The following DYNC2H1 variants were observed in gnomAD, a reference collection of about 807,000 sequenced individuals.
DYNC2H1 encodes the protein dynein cytoplasmic 2 heavy chain 1, also known as cytoplasmic dynein 2 heavy chain 1.
DYNC2H1 carries 410 observed loss-of-function variants against 570.0 expected under a neutral mutation model. That is an observed-to-expected ratio of 0.72 (90% confidence interval 0.66 to 0.78). DYNC2H1 has a LOEUF of 0.78. Among genes scored for constraint, DYNC2H1 ranks in the 30% least tolerant of loss-of-function variants. The probability of loss-of-function intolerance (pLI) is 0.00; values close to 1 mark genes in which losing one functional copy is unlikely to be tolerated. For missense variants in DYNC2H1, 4,865 were observed against 5,046.4 expected, an observed-to-expected ratio of 0.96 and a Z score of 1.09; for synonymous variants, 1,688 against 1,677.6, an observed-to-expected ratio of 1.01 and a Z score of -0.15.
In DYNC2H1 at chr11:103,462,313, T is replaced by TG. The variant is rs927170409; in HGVS notation, c.12648+5957_12648+5958insG. On this transcript the variant is annotated intron_variant, in intron 87 of 88. Coordinates refer to ENST00000375735, the MANE Select transcript of DYNC2H1 (RefSeq NM_001377.3). Reference sequence around the variant, plus strand: ...AAGATCTAATTACATTGATTTTTTTTTGTGTGGAGGGGCAACAAAAATACT... The same window carrying TG: ...AAGATCTAATTACATTGATTTTTTTTGTGTGTGGAGGGGCAACAAAAATACT... Among the ~76,000 whole-genome samples, 49 of 152,236 alleles carry TG rather than the reference T, an allele frequency of 3.2e-4. 2 individuals are homozygous for TG. The highest frequency in any genetic ancestry group is 1.2e-3 in the African/African-American group (48 of 41,564).
intron 70 of DYNC2H1, among the ~76,000 whole-genome samples, chr11:103,269,405 G>A (rs904528811): frequency 2.6e-5 from 4 of 152,136 alleles, no homozygotes; most frequent in Non-Finnish European, 4.4e-5. Context: ...AGGGTTTTTA[G>A]CAGTCAGCGT....
chr11:103,465,775 G>T lies in DYNC2H1; in HGVS notation c.12649-2814G>T, dbSNP rs1945178137. On this transcript the variant is annotated intron_variant, in intron 87 of 88. Transcript: ENST00000375735. This position sits in a 1 kb window ranked among gnomAD's most constrained non-coding sequence, Gnocchi z 4.9. Reference sequence around the variant, plus strand: ...GCCCTCTCATACTGTAGTAGACTAGGAGAGCTTCCTTATATGGTGGTTTCA... The same window carrying T: ...GCCCTCTCATACTGTAGTAGACTAGTAGAGCTTCCTTATATGGTGGTTTCA... 6.6e-6 allele frequency among the ~76,000 whole-genome samples: 1 copy of T among 152,126 alleles called. No homozygotes were observed. The highest frequency in any genetic ancestry group is 2.4e-5 in the African/African-American group (1 of 41,422).
Position 103,304,640 on chromosome 11 carries a change from A to G in DYNC2H1, c.11302A>G (p.Lys3768Glu), listed in dbSNP as rs764723578. 2.5e-6 allele frequency: 4 copies of G among 1,613,462 alleles called. No individual in the cohort carries two copies. Among genetic ancestry groups the G allele is most frequent in the Non-Finnish European group, 3.4e-6 (4 of 1,179,560 alleles). Reference sequence around the variant, plus strand: ...AGCTGATTTAGCAATTCAAATGCTAAAAGAATGTGCCCGCAATGGAGACTG... The same window carrying G: ...AGCTGATTTAGCAATTCAAATGCTAGAAGAATGTGCCCGCAATGGAGACTG... ...GQADLAIQML[K>E]ECARNGDWLC... The change falls in exon 77 of 89, where the codon AAA (lysine) becomes GAA (glutamate). Residue 3768 changes from lysine (K) to glutamate (E), a missense_variant. Coordinates refer to ENST00000375735, the MANE Select transcript of DYNC2H1 (RefSeq NM_001377.3).
rs575813506 is a variant in DYNC2H1, at chr11:103,129,420, C to T, written c.1953+415C>T. Among the ~76,000 whole-genome samples, 10 of 152,240 alleles carry T rather than the reference C, an allele frequency of 6.6e-5. No individual in the cohort carries two copies. Among genetic ancestry groups the T allele is most frequent in the South Asian group, 4.1e-4 (2 of 4,828 alleles). On this transcript the variant is annotated intron_variant, in intron 13 of 88. Coordinates refer to ENST00000375735, the MANE Select transcript of DYNC2H1 (RefSeq NM_001377.3). The surrounding 1 kb of genome is among the most constrained non-coding windows in gnomAD (Gnocchi z 4.1). ...TTAGGAGGCTGGGTGCAGTGGCTTA[C>T]GCCTGTCATCCCAGCACTTTCGAGG...
rs1035797558 is a variant in DYNC2H1 at position 103,261,807 on chromosome 11, A to C, written c.10695+1830A>C. On this transcript the variant is annotated intron_variant, in intron 70 of 88. Coordinates refer to ENST00000375735, the MANE Select transcript of DYNC2H1 (RefSeq NM_001377.3). This position sits in a 1 kb window ranked among gnomAD's most constrained non-coding sequence, Gnocchi z 4.8. ...TGCCTCTTTTTCTCCAAAGGATCACAACTCCTTGCCAGCAAGGGAACAAAA... is the reference window on the plus strand; with the variant it reads ...TGCCTCTTTTTCTCCAAAGGATCACCACTCCTTGCCAGCAAGGGAACAAAA... 2.6e-5 allele frequency among the ~76,000 whole-genome samples: 4 copies of C among 152,234 alleles called. No individual in the cohort carries two copies. The highest frequency in any genetic ancestry group is 7.2e-5 in the African/African-American group (3 of 41,446).
intron 85 of DYNC2H1, among the ~76,000 whole-genome samples, chr11:103,454,101 A>C (rs1944706266): frequency 1.3e-5 from 2 of 151,200 alleles, no homozygotes; most frequent in African/African-American, 4.8e-5. Context: ...ACACAGCTTT[A>C]GAGATTTTAA....
At chr11:103,415,253 TGG>T (rs995292309) in intron 84 of DYNC2H1, among the ~76,000 whole-genome samples, 1 of 152,170 alleles carries the variant, frequency 6.6e-6, no homozygotes, top group Non-Finnish European at 1.5e-5. Flanking sequence ...GACATAGGCA[TGG>T]GCAAGGACTT....
rs17099979 is a variant in DYNC2H1, at chr11:103,134,596, A to G, written c.2205+177A>G. On this transcript the variant is annotated intron_variant, in intron 15 of 88. Transcript: ENST00000375735. Reference sequence around the variant, plus strand: ...TATAAAGACCACATATGAACAATCAATTTACATTTAAAAATATAAAAATAA... The same window carrying G: ...TATAAAGACCACATATGAACAATCAGTTTACATTTAAAAATATAAAAATAA... Among the ~76,000 whole-genome samples the G allele has an allele frequency of 0.024, 3,695 of 152,218 alleles. 176 individuals are homozygous for G. The highest frequency in any genetic ancestry group is 0.084 in the African/African-American group (3,492 of 41,528).
chr11:103,128,884 T>C, intron 12 of DYNC2H1, 26 bp from the exon 13 acceptor site: 1 of 1,462,912 alleles, frequency 6.8e-7, no homozygotes, highest in Non-Finnish European at 9.3e-7. Flanking sequence ...TTATTAATTA[T>C]TACTAATTGG....
At position 103,148,591 on chromosome 11, in the gene DYNC2H1, A is replaced by G. The variant is rs775896895; in HGVS notation, c.2920A>G (p.Ser974Gly). 1.3e-6 allele frequency: 2 copies of G among 1,569,068 alleles called. No homozygotes were observed. The highest frequency in any genetic ancestry group is 3.7e-5 in the Admixed American group (2 of 53,740). The change falls in exon 20 of 89, where the codon AGT (serine) becomes GGT (glycine). Residue 974 changes from serine to glycine, a missense_variant. Physicochemically the swap from Ser to Gly is moderately conservative, Grantham distance 56 (BLOSUM62 0). Coordinates refer to ENST00000375735, the MANE Select transcript of DYNC2H1 (RefSeq NM_001377.3). The part of the protein sequence containing the change: ...EEIGDANLQY[S>G]KLQERKPEIL... ...AATTGGTGATGCAAATCTACAATAT[A>G]GTAAGTTACAAGAACGGAAGCCAGA...
At chr11:103,448,118 A>G (rs687685) in intron 85 of DYNC2H1, among the ~76,000 whole-genome samples, 54,092 of 151,892 alleles carry the variant, frequency 0.36, 10,216 homozygotes, top group African/African-American at 0.48. Context: ...TATGCCAAGG[A>G]TTAAAGGGGG....
intron 84 of DYNC2H1, among the ~76,000 whole-genome samples, chr11:103,431,231 AAACT>A (rs1363027463): frequency 2.0e-5 from 3 of 151,602 alleles, no homozygotes; most frequent in Non-Finnish European, 4.4e-5. Context: ...AAAAAAAAAA[AAACT>A]AAAAAACTTT....
chr11:103,273,656 A>T (rs1455856760), intron 70 of DYNC2H1, among the ~76,000 whole-genome samples: 1 of 152,168 alleles, frequency 6.6e-6, no homozygotes, highest in Admixed American at 6.5e-5. Context: ...TTATGGCTGA[A>T]GGGATTTATT....
At chr11:103,237,405 A>G (rs1864259458) in intron 63 of DYNC2H1, among the ~76,000 whole-genome samples, 1 of 151,958 alleles carries the variant, frequency 6.6e-6, no homozygotes, top group African/African-American at 2.4e-5. Context: ...ATTACTTGAT[A>G]ATTTGTTCTG....
intron 15 of DYNC2H1, 28 bp downstream of exon 15, chr11:103,134,447 A>T (rs1420461134): frequency 6.4e-7 from 1 of 1,551,614 alleles, no homozygotes; most frequent in African/African-American, 1.4e-5. Context: ...TTGTGTGTAT[A>T]CTTTGAAATA....
intron 43 of DYNC2H1, 134 bp from the exon 44 acceptor site, chr11:103,188,363 T>C (rs1862160970): frequency 1.7e-6 from 1 of 601,814 alleles, no homozygotes; most frequent in African/African-American, 1.9e-5. Context: ...TAAGATACCA[T>C]TTAATCTAAA....
intron 83 of DYNC2H1, among the ~76,000 whole-genome samples, chr11:103,399,355 C>T (rs10895416): frequency 0.5 from 72,490 of 143,824 alleles, 18,688 homozygotes; most frequent in African/African-American, 0.61. Flanking sequence ...GGGGTTTCAC[C>T]GTGTTGGCCA....
chr11:103,321,598 A>G (rs1345062884), intron 81 of DYNC2H1, among the ~76,000 whole-genome samples: 2 of 152,198 alleles, frequency 1.3e-5, no homozygotes, highest in Non-Finnish European at 2.9e-5. Flanking sequence ...ATATGAAAGA[A>G]GACAAATATT....
Position 103,109,742 on chromosome 11 carries a change from C to A in DYNC2H1, c.168C>A (p.Ser56=). 6 of 1,613,726 alleles carry A rather than the reference C, an allele frequency of 3.7e-6. No individual in the cohort carries two copies. The highest frequency in any genetic ancestry group is 4.2e-6 in the Non-Finnish European group (5 of 1,179,774). ...GNQMLLRVQR[S]DAGISFSNTI... ...AGATGCTCCTCAGGGTGCAGCGATC[C>A]GACGCAGGAATCTCCTTTTCCAACA... Residue 56 remains serine (S), a synonymous_variant, in exon 1 of 89, where the codon TCC becomes TCA. Transcript: ENST00000375735.
Sources: gnomAD v4.1 joint callset for allele counts (sites outside exome capture counted in the v4.1 genomes callset) on GRCh38, gnomAD v4.1.1 for gene constraint, Gnocchi (gnomAD v3.1) non-coding constraint, MANE v1.5 for transcripts, NCBI Gene and HGNC (gene_info 2026-07-23, HGNC 2026-07-21) for gene names.